Variants in PREPL observed in about 807,000 individuals in gnomAD.
The protein encoded by PREPL is prolyl endopeptidase-like.
A neutral mutation model predicts 70.6 loss-of-function variants in PREPL; 77 were observed. The observed-to-expected ratio is 1.09, with a 90% CI of 0.91 to 1.32. PREPL has a LOEUF of 1.32. PREPL is among the 40% of genes most tolerant of loss of function. PREPL has a pLI of 0.00. For synonymous variants in PREPL, 315 were observed against 264.8 expected (o/e 1.19, Z -1.84); for missense variants, 1,002 against 778.2 (o/e 1.29, Z -3.42).
Position 44,320,652 on chromosome 2 carries a change from A to G in PREPL, c.*704T>C. ...TACCTCGTGTTAGGCACCTTTATGA[A>G]GAGATGAAGACACTGGCATTTCAGT... On this transcript the variant is annotated 3_prime_UTR_variant, in exon 14 of 14. Transcript: ENST00000409411. 2 of 1,602,388 alleles carry G rather than the reference A, an allele frequency of 1.2e-6. No individual in the cohort carries two copies. The highest frequency in any genetic ancestry group is 1.7e-6 in the Non-Finnish European group (2 of 1,169,428).
At chr2:44,334,216 CAG>C (rs1468292247) in intron 7 of PREPL, among the ~76,000 whole-genome samples, 2 of 152,156 alleles carry the variant, frequency 1.3e-5, no homozygotes, top group South Asian at 2.1e-4. Context: ...TGGACAGCAC[CAG>C]AGAGTAAGTA....
chr2:44,359,487 C>T, intron 1 of PREPL: 5 of 1,572,464 alleles, frequency 3.2e-6, no homozygotes, highest in Non-Finnish European at 4.4e-6. Context: ...TTAACTTAAA[C>T]AGTCCATACC....
intron 1 of PREPL, chr2:44,359,739 C>A (rs747450848): frequency 6.6e-7 from 1 of 1,521,456 alleles, no homozygotes; most frequent in Non-Finnish European, 9.1e-7. Flanking sequence ...CTGGTTTATG[C>A]TCCTTTTGGG....
At chr2:44,339,479 A>ATT in intron 5 of PREPL, 116 bp from the exon 6 acceptor site, 2 of 1,381,574 alleles carry the variant, frequency 1.4e-6, no homozygotes, top group Non-Finnish European at 9.5e-7. Context: ...GCAGATAGGA[A>ATT]ATTAAAATAA....
At chr2:44,354,380 G>C (rs1030698197) in intron 1 of PREPL, among the ~76,000 whole-genome samples, 1 of 152,060 alleles carries the variant, frequency 6.6e-6, no homozygotes, top group Non-Finnish European at 1.5e-5. Flanking sequence ...TGTCTTTAAG[G>C]ACCTCCCAAT....
At chr2:44,340,195 G>A in intron 5 of PREPL, among the ~76,000 whole-genome samples, 1 of 151,856 alleles carries the variant, frequency 6.6e-6, no homozygotes, top group East Asian at 1.9e-4. Flanking sequence ...TAAAAATTTA[G>A]ATTTTAATGT....
intron 2 of PREPL, 43 bp from the exon 3 acceptor site, chr2:44,344,629 A>G (rs1396980144): frequency 7.0e-7 from 1 of 1,430,176 alleles, no homozygotes; most frequent in Middle Eastern, 1.8e-4. Flanking sequence ...TAATTTAATT[A>G]ACCTTTTCAT....
Position 44,342,548 on chromosome 2 carries a change from C to A in PREPL, c.354G>T (p.Trp118Cys). 1.3e-6 allele frequency: 2 copies of A among 1,545,220 alleles called. No homozygotes were observed. The highest frequency in any genetic ancestry group is 1.8e-6 in the Non-Finnish European group (2 of 1,141,768). ...CATCTTCATCTTCCTCGTCCTTTAC[C>A]CATTCTGAAAGAAAATAATGAGATA... Reference protein sequence around the residue: ...ASFPNVSSFEWVKDEEDEDVL... With the variant: ...ASFPNVSSFECVKDEEDEDVL... Residue 118 changes from tryptophan to cysteine, a missense_variant, in exon 5 of 14, where the codon TGG (tryptophan) becomes TGT (cysteine). Coordinates refer to ENST00000409411, the MANE Select transcript of PREPL (RefSeq NM_001171613.2).
chr2:44,333,334 C>T (rs1674308534), intron 7 of PREPL, among the ~76,000 whole-genome samples: 1 of 152,086 alleles, frequency 6.6e-6, no homozygotes, highest in South Asian at 2.1e-4. Context: ...CAGCAGGGTC[C>T]AGCTTCAAGC....
chr2:44,361,014 C>T (rs1263777162), intron 1 of PREPL, among the ~76,000 whole-genome samples: 4 of 152,098 alleles, frequency 2.6e-5, no homozygotes, highest in African/African-American at 9.7e-5. Context: ...CACTAGTTTA[C>T]TAGCCGACAC....
chr2:44,321,765 A>C, intron 13 of PREPL, 62 bp downstream of exon 13: 2 of 1,613,478 alleles, frequency 1.2e-6, no homozygotes, highest in Non-Finnish European at 1.7e-6. Flanking sequence ...ACCACTGAAA[A>C]TGTGAAAACA....
intron 5 of PREPL, 133 bp downstream of exon 5, chr2:44,342,283 TA>T: frequency 2.6e-6 from 2 of 755,728 alleles, no homozygotes; most frequent in Admixed American, 2.9e-5. Flanking sequence ...AAACAACTAA[TA>T]AAAGAATGAT....
At chr2:44,359,469 C>G (rs1677422756) in intron 1 of PREPL, 1 of 1,484,602 alleles carries the variant, frequency 6.7e-7, no homozygotes, top group African/African-American at 1.4e-5. Flanking sequence ...TAATGACCTA[C>G]AAATAGGTTA....
At chr2:44,357,306 T>A (rs1306007947) in intron 1 of PREPL, among the ~76,000 whole-genome samples, 1 of 152,234 alleles carries the variant, frequency 6.6e-6, no homozygotes, top group Non-Finnish European at 1.5e-5. Context: ...TCTACTTTAT[T>A]ACACCCTATA....
At chr2:44,354,835 C>T (rs3785943) in intron 1 of PREPL, among the ~76,000 whole-genome samples, 3 of 152,202 alleles carry the variant, frequency 2.0e-5, no homozygotes, top group African/African-American at 7.2e-5. Context: ...CCTCAGCCTC[C>T]CAAAGTGCTA....
rs376639206 is a variant in PREPL at position 44,320,283 on chromosome 2, G to A, written c.*1073C>T. On this transcript the variant is annotated 3_prime_UTR_variant, in exon 14 of 14. Coordinates refer to ENST00000409411, the MANE Select transcript of PREPL (RefSeq NM_001171613.2). ...TGCCAATGAGCTACTCCTCAACAGG[G>A]GCTGGTTTTGCCATTTGAGGAATGA... 4.3e-6 allele frequency: 7 copies of A among 1,613,924 alleles called. No individual in the cohort carries two copies. The highest frequency in any genetic ancestry group is 2.2e-5 in the South Asian group (2 of 91,082).
Position 44,343,955 on chromosome 2 carries a change from T to C in PREPL, c.143-4A>G. 1 of 1,611,262 alleles carries C rather than the reference T, an allele frequency of 6.2e-7. No homozygotes were observed. ...ACTTCATAATTATCATTGTCTGCTGTATAAAGAAAAATACGAAAGTGATAA... is the reference window on the plus strand; with the variant it reads ...ACTTCATAATTATCATTGTCTGCTGCATAAAGAAAAATACGAAAGTGATAA... On this transcript the variant is annotated splice_polypyrimidine_tract_variant and splice_region_variant and intron_variant, in intron 3 of 13. Coordinates refer to ENST00000409411, the MANE Select transcript of PREPL (RefSeq NM_001171613.2).
intron 1 of PREPL, among the ~76,000 whole-genome samples, chr2:44,350,910 C>T (rs993964300): frequency 6.6e-6 from 1 of 152,046 alleles, no homozygotes; most frequent in Non-Finnish European, 1.5e-5. Flanking sequence ...TTTCCTCTTA[C>T]TTCACTGGCC....
intron 1 of PREPL, among the ~76,000 whole-genome samples, chr2:44,348,614 C>A (rs1676075395): frequency 6.6e-6 from 1 of 152,160 alleles, no homozygotes; most frequent in Non-Finnish European, 1.5e-5. Context: ...CAAAACTCAT[C>A]TTCTTAACTT....
Sources: gnomAD v4.1 joint callset for allele counts (sites outside exome capture counted in the v4.1 genomes callset) on GRCh38, gnomAD v4.1.1 for gene constraint, MANE v1.5 for transcripts, NCBI Gene and HGNC (gene_info 2026-07-23, HGNC 2026-07-21) for gene names.